THAP2: variants seen among roughly 807,000 people sequenced by gnomAD.
THAP2 encodes the protein THAP domain-containing protein 2.
Under a neutral mutation model 18.8 loss-of-function variants are expected in THAP2, and 16 were observed. The ratio of observed to expected loss-of-function variants is 0.85; its 90% CI spans 0.58 to 1.29. The LOEUF is 1.29. Ranked by LOEUF, THAP2 falls within the 50% of genes most tolerant of loss-of-function variation. The probability of loss-of-function intolerance (pLI) is 0.00; values close to 1 mark genes in which losing one functional copy is unlikely to be tolerated. For missense variants in THAP2, 251 were observed against 265.3 expected (o/e 0.95, Z 0.38); for synonymous variants, 80 against 89.2 (o/e 0.90, Z 0.58).
chr12:71,673,509 A>G (rs976033526), intron 1 of THAP2, among the ~76,000 whole-genome samples: 45 of 152,312 alleles, frequency 3.0e-4, no homozygotes, highest in African/African-American at 1.1e-3. Context: ...GCTGCACTAC[A>G]TAATTAAAGA....
At chr12:71,675,202 A>T (rs1396024613) in intron 2 of THAP2, among the ~76,000 whole-genome samples, 1 of 152,008 alleles carries the variant, frequency 6.6e-6, no homozygotes, top group Non-Finnish European at 1.5e-5. Flanking sequence ...CTGAGGAAAA[A>T]CTACTGTTTC....
intron 1 of THAP2, among the ~76,000 whole-genome samples, chr12:71,671,658 A>G (rs1312732409): frequency 6.6e-6 from 1 of 152,178 alleles, no homozygotes; most frequent in East Asian, 1.9e-4. Context: ...ACAATTTTCA[A>G]TGGTGCAGTC....
chr12:71,668,348 T>A (rs935934998), intron 1 of THAP2, among the ~76,000 whole-genome samples: 1 of 152,238 alleles, frequency 6.6e-6, no homozygotes, highest in African/African-American at 2.4e-5. Flanking sequence ...ATTATAATAA[T>A]AAATAGCATT....
intron 2 of THAP2, 60 bp from the exon 3 acceptor site, chr12:71,676,629 A>G (rs1376375013): frequency 1.3e-5 from 19 of 1,505,102 alleles, no homozygotes; most frequent in Non-Finnish European, 1.6e-5. Flanking sequence ...ACTGGACACT[A>G]TGTGCTTATT....
chr12:71,674,089 AT>A, intron 1 of THAP2, 113 bp from the exon 2 acceptor site: 1 of 1,094,576 alleles, frequency 9.1e-7, no homozygotes, highest in Non-Finnish European at 1.2e-6. Flanking sequence ...TTAGTTTAAA[AT>A]TTTTTAGGTA....
At chr12:71,665,769 A>G (rs1465074) in intron 1 of THAP2, 67,775 of 152,070 alleles carry the variant, frequency 0.45, 19,198 homozygotes, top group East Asian at 0.82. Flanking sequence ...TACTTGAGAA[A>G]CCATGGAGGG....
chr12:71,667,192 A>G (rs755654219), intron 1 of THAP2, among the ~76,000 whole-genome samples: 7 of 152,106 alleles, frequency 4.6e-5, no homozygotes, highest in Non-Finnish European at 8.8e-5. Flanking sequence ...TTCATTTTTC[A>G]TGGTATGTGA....
chr12:71,664,808 C>T, intron 1 of THAP2: 1 of 709,028 alleles, frequency 1.4e-6, no homozygotes, highest in South Asian at 1.5e-5. Flanking sequence ...GTCATTACCC[C>T]TTAGTAAAAA....
intron 1 of THAP2, chr12:71,667,676 A>G (rs895452032): frequency 1.3e-5 from 2 of 151,974 alleles, no homozygotes; most frequent in Non-Finnish European, 2.9e-5. Flanking sequence ...ACTCCTAGGC[A>G]CTCTTCTGTA....
chr12:71,667,402 A>C (rs1005475333), intron 1 of THAP2: 1 of 152,124 alleles, frequency 6.6e-6, no homozygotes, highest in Non-Finnish European at 1.5e-5. Context: ...TCTCCAGTCC[A>C]TCTCTGTCTA....
In THAP2 at chr12:71,664,572, C is replaced by G; in HGVS notation, c.63C>G (p.Ser21Arg). 1 of 1,614,210 alleles carries G rather than the reference C, an allele frequency of 6.2e-7. No homozygotes were observed. The highest frequency in any genetic ancestry group is 8.5e-7 in the Non-Finnish European group (1 of 1,180,030). ...ATTYNKHINI[S>R]FHRFPLDPKR... is the part of the protein sequence containing the mutation. ...CCTACAACAAGCACATTAACATCAG[C>G]TTCCACAGGTAACCTGGGCAGGGAG... The change falls in exon 1 of 3, where the codon AGC becomes AGG. Residue 21 changes from serine (S) to arginine (R), a missense_variant. Transcript: ENST00000308086.
At chr12:71,664,638 T>C in intron 1 of THAP2, 58 bp downstream of exon 1, 1 of 1,588,232 alleles carries the variant, frequency 6.3e-7, no homozygotes, top group Non-Finnish European at 8.6e-7. Context: ...TGGCTATCGC[T>C]TGTGTGGAAG....
intron 1 of THAP2, among the ~76,000 whole-genome samples, chr12:71,671,092 AAGGTGAAAG>A (rs1881429520): frequency 6.6e-6 from 1 of 152,128 alleles, no homozygotes; most frequent in African/African-American, 2.4e-5. Context: ...AGGCATGGCA[AAGGTGAAAG>A]AGGTGGAAGG....
rs1378964415 is a variant in THAP2 at position 71,669,971 on chromosome 12, A to AC, written c.72-4232_72-4231insC. 1.1e-3 allele frequency among the ~76,000 whole-genome samples: 164 copies of AC among 151,996 alleles called. 1 individual carries two copies. Among genetic ancestry groups the AC allele is most frequent in the African/African-American group, 3.7e-3 (155 of 41,370 alleles). ...AAACTCCGTCTCAAAAAAAAAAAAA[A>AC]AACTCTATTTTCTTGTAAAATAGAA... On this transcript the variant is annotated intron_variant, in intron 1 of 2. Transcript: ENST00000308086.
intron 1 of THAP2, among the ~76,000 whole-genome samples, chr12:71,668,603 A>G (rs1028112113): frequency 6.6e-6 from 1 of 152,056 alleles, no homozygotes; most frequent in Non-Finnish European, 1.5e-5. Context: ...TTGATTCCCT[A>G]CCTTCCCCAT....
chr12:71,666,034 CAG>C lies in THAP2; in HGVS notation c.71+1458_71+1459del, dbSNP rs371668868. ...TTGAATTAGGGAATGTGTGAGCTGA[CAG>C]AGAAAAACTAGTTAGGAAGCTGTAG... On this transcript the variant is annotated intron_variant, in intron 1 of 2. Coordinates refer to ENST00000308086, the MANE Select transcript of THAP2 (RefSeq NM_031435.4). Among the ~76,000 whole-genome samples the C allele has an allele frequency of 3.1e-4, 47 of 152,144 alleles. No homozygotes were observed. The East Asian group carries it at 8.9e-3, about 29-fold the overall frequency.
Position 71,664,383 on chromosome 12 carries a change from C to A in THAP2, c.-127C>A. 8.8e-7 allele frequency: 1 copy of A among 1,138,452 alleles called. No homozygotes were observed. The highest frequency in any genetic ancestry group is 1.3e-6 in the Non-Finnish European group (1 of 762,574). 70.5% of individuals were successfully genotyped at this position (1,138,452 alleles called of 1,614,324 possible). On this transcript the variant is annotated 5_prime_UTR_variant, in exon 1 of 3. Coordinates refer to ENST00000308086, the MANE Select transcript of THAP2 (RefSeq NM_031435.4). ...ACATACACACCCCTTCTTCCCACTC[C>A]GCTCTCACGACTAAGCTCTCACGAT...
At chr12:71,672,642 T>C (rs543854535) in intron 1 of THAP2, among the ~76,000 whole-genome samples, 2 of 152,250 alleles carry the variant, frequency 1.3e-5, no homozygotes, top group African/African-American at 4.8e-5. Flanking sequence ...ATGATTTTTT[T>C]TTTTTACAGT....
intron 1 of THAP2, among the ~76,000 whole-genome samples, chr12:71,666,695 T>C (rs1207282663): frequency 6.6e-6 from 1 of 152,186 alleles, no homozygotes; most frequent in Non-Finnish European, 1.5e-5. Context: ...GATTAATTGA[T>C]TCACTCCTTT....
Sources: allele counts gnomAD v4.1 joint callset (sites outside exome capture counted in the v4.1 genomes callset), GRCh38; gene constraint gnomAD v4.1.1; transcripts MANE v1.5; gene names NCBI Gene and HGNC (gene_info 2026-07-23, HGNC 2026-07-21).